NIBAN1: variants seen among roughly 807,000 people sequenced by gnomAD.
NIBAN1 encodes the protein protein Niban 1.
In NIBAN1, 81 loss-of-function variants were observed where a neutral mutation model predicts 75.1. The observed-to-expected ratio is 1.08, with a 90% CI of 0.90 to 1.30. The LOEUF is 1.30. NIBAN1 is among the 50% of genes most tolerant of loss of function. NIBAN1 has a pLI of 0.00. For synonymous variants in NIBAN1, 436 were observed against 424.8 expected (o/e 1.03, Z -0.32); for missense variants, 1,133 against 1,128.1 (o/e 1.00, Z -0.06).
intron 5 of NIBAN1, among the ~76,000 whole-genome samples, chr1:184,869,029 C>G (rs1385464777): frequency 6.6e-6 from 1 of 152,150 alleles, no homozygotes; most frequent in East Asian, 1.9e-4. Context: ...GTATCAGCAT[C>G]AGCATTACCT....
At chr1:184,827,961 T>TG (rs1557879510) in intron 6 of NIBAN1, among the ~76,000 whole-genome samples, 3 of 143,100 alleles carry the variant, frequency 2.1e-5, no homozygotes. Flanking sequence ...TTGTTTTTTG[T>TG]TTTTTTTTTT....
Position 184,793,102 on chromosome 1 carries a change from A to C in NIBAN1, c.*1875T>G, listed in dbSNP as rs1653740698. On this transcript the variant is annotated 3_prime_UTR_variant, in exon 14 of 14. Coordinates refer to ENST00000367511, the MANE Select transcript of NIBAN1 (RefSeq NM_052966.4). ...CATATACTGAGTATTATTCATGTTTATGACCTAGAAATTCTTCATGGGAGG... is the reference window on the plus strand; with the variant it reads ...CATATACTGAGTATTATTCATGTTTCTGACCTAGAAATTCTTCATGGGAGG... 6.6e-6 allele frequency: 1 copy of C among 152,206 alleles called. No individual in the cohort carries two copies. The highest frequency in any genetic ancestry group is 1.5e-5 in the Non-Finnish European group (1 of 68,030). The allele number at this position is 152,206 out of a possible 1,614,324, so 9.4% of individuals were successfully genotyped here.
chr1:184,928,973 C>G (rs1385474381), intron 1 of NIBAN1, among the ~76,000 whole-genome samples: 1 of 152,176 alleles, frequency 6.6e-6, no homozygotes, highest in Non-Finnish European at 1.5e-5. Flanking sequence ...CCCCACCCTA[C>G]TCTACCTGCA....
intron 1 of NIBAN1, among the ~76,000 whole-genome samples, chr1:184,973,574 C>T (rs1363351830): frequency 6.6e-6 from 1 of 152,142 alleles, no homozygotes; most frequent in Non-Finnish European, 1.5e-5. Context: ...GTCAGGACTT[C>T]CTGCAGTTTC....
intron 5 of NIBAN1, among the ~76,000 whole-genome samples, chr1:184,838,323 C>T (rs1467960409): frequency 6.6e-6 from 1 of 152,132 alleles, no homozygotes; most frequent in African/African-American, 2.4e-5. Flanking sequence ...TCTCTTATAC[C>T]ACAGTATCAT....
chr1:184,961,367 C>A (rs970278422), intron 1 of NIBAN1, among the ~76,000 whole-genome samples: 11 of 152,094 alleles, frequency 7.2e-5, no homozygotes, highest in African/African-American at 2.2e-4. Flanking sequence ...CCGCGCCCAG[C>A]CTACATGCTG....
rs528936851 is a variant in NIBAN1 at position 184,950,689 on chromosome 1, G to A, written c.55+23613C>T. ...CATCACAAATAAGAAGCTGGTTTTC[G>A]ATTAGGTTATGCTAGAAATGAAAAT... is the stretch of plus-strand genomic sequence containing the variant. On this transcript the variant is annotated intron_variant, in intron 1 of 13. Coordinates refer to ENST00000367511, the MANE Select transcript of NIBAN1 (RefSeq NM_052966.4). 3.3e-5 allele frequency among the ~76,000 whole-genome samples: 5 copies of A among 152,226 alleles called. No homozygotes were observed. In the East Asian group the frequency reaches 5.8e-4, roughly 18 times the overall value.
intron 1 of NIBAN1, among the ~76,000 whole-genome samples, chr1:184,945,268 C>T (rs573885220): frequency 2.0e-5 from 3 of 152,184 alleles, no homozygotes; most frequent in Non-Finnish European, 4.4e-5. Flanking sequence ...AAATAATGAA[C>T]CTTGGGTGAA....
At chr1:184,919,262 T>C (rs937396564) in intron 1 of NIBAN1, among the ~76,000 whole-genome samples, 1 of 152,198 alleles carries the variant, frequency 6.6e-6, no homozygotes, top group Non-Finnish European at 1.5e-5. Context: ...GACCTATAGG[T>C]GAATCAAGGT....
At chr1:184,913,137 G>GTATATATTATATATATATGA (rs1657288131) in intron 1 of NIBAN1, among the ~76,000 whole-genome samples, 1 of 109,750 alleles carries the variant, frequency 9.1e-6, no homozygotes, top group Non-Finnish European at 1.9e-5. Context: ...TATCATGCAG[G>GTATATATTATATATATATGA]TATATATATA....
Position 184,927,750 on chromosome 1 carries a change from C to T in NIBAN1, c.56-28441G>A, listed in dbSNP as rs185035209. 2.6e-4 allele frequency among the ~76,000 whole-genome samples: 39 copies of T among 152,014 alleles called. No individual in the cohort carries two copies. In the East Asian group the frequency reaches 6.6e-3, roughly 26 times the overall value. Reference sequence around the variant, plus strand: ...GTCCTTATTTTCAGAATGGTGAGTTCCCCCCAGGCCCTGAGCAGGTCTAGA... The same window carrying T: ...GTCCTTATTTTCAGAATGGTGAGTTTCCCCCAGGCCCTGAGCAGGTCTAGA... On this transcript the variant is annotated intron_variant, in intron 1 of 13. Transcript: ENST00000367511.
At chr1:184,902,784 G>C (rs1475078833) in intron 1 of NIBAN1, among the ~76,000 whole-genome samples, 1 of 152,196 alleles carries the variant, frequency 6.6e-6, no homozygotes, top group Non-Finnish European at 1.5e-5. Flanking sequence ...GTGTAAGTTA[G>C]GGGCTGTGTT....
chr1:184,891,024 A>T (rs773308275), intron 3 of NIBAN1, among the ~76,000 whole-genome samples: 3 of 152,202 alleles, frequency 2.0e-5, no homozygotes, highest in African/African-American at 7.2e-5. Flanking sequence ...AAAGTTTGAG[A>T]CCCAAAATCT....
intron 1 of NIBAN1, among the ~76,000 whole-genome samples, chr1:184,899,959 T>C (rs934532179): frequency 6.6e-6 from 1 of 151,904 alleles, no homozygotes; most frequent in Non-Finnish European, 1.5e-5. Context: ...TGGGATTACA[T>C]GTATGTGCCA....
chr1:184,795,876 C>G lies in NIBAN1; in HGVS notation c.1888G>C (p.Val630Leu). The G allele has an allele frequency of 6.2e-7, 1 of 1,613,190 alleles. No individual in the cohort carries two copies. Among genetic ancestry groups the G allele is most frequent in the Non-Finnish European group, 8.5e-7 (1 of 1,179,496 alleles). ...TCTCCTTTGGCCAACGAGCTAGGGA[C>G]CTCAGGCTGCTTCTCTTCCTCTGAC... ...QESEEEKQPE[V>L]PSSLAKGESL... is the part of the protein sequence containing the mutation. Residue 630 changes from valine (V) to leucine (L), a missense_variant, in exon 14 of 14, where the codon GTC becomes CTC. Coordinates refer to ENST00000367511, the MANE Select transcript of NIBAN1 (RefSeq NM_052966.4).
chr1:184,815,623 G>A (rs1654504766), intron 9 of NIBAN1, among the ~76,000 whole-genome samples: 1 of 152,142 alleles, frequency 6.6e-6, no homozygotes, highest in Admixed American at 6.5e-5. Context: ...GGTCTATTAT[G>A]TGCACTTATA....
At chr1:184,808,382 A>G (rs1343064739) in intron 9 of NIBAN1, 147 bp from the exon 10 acceptor site, 1 of 799,788 alleles carries the variant, frequency 1.3e-6, no homozygotes, top group Non-Finnish European at 1.9e-6. Context: ...TGACACCTTC[A>G]ACTGTCTTAT....
chr1:184,814,251 C>G (rs1654464881), intron 9 of NIBAN1, among the ~76,000 whole-genome samples: 1 of 151,862 alleles, frequency 6.6e-6, no homozygotes, highest in African/African-American at 2.4e-5. Flanking sequence ...ACAAAGTTTT[C>G]TTGGAACATT....
At chr1:184,889,824 G>A in intron 4 of NIBAN1, among the ~76,000 whole-genome samples, 1 of 152,186 alleles carries the variant, frequency 6.6e-6, no homozygotes, top group Non-Finnish European at 1.5e-5. Context: ...GGACATGAGT[G>A]ACTAGCCCAG....
Sources: allele counts gnomAD v4.1 joint callset (sites outside exome capture counted in the v4.1 genomes callset), GRCh38; gene constraint gnomAD v4.1.1; transcripts MANE v1.5; gene names NCBI Gene and HGNC (gene_info 2026-07-23, HGNC 2026-07-21).